Variants in SPP2 observed in about 807,000 individuals in gnomAD.
SPP2 encodes secreted phosphoprotein 2.
Under a neutral mutation model 28.8 loss-of-function variants are expected in SPP2, and 34 were observed. The observed-to-expected ratio is 1.18, with a 90% CI of 0.90 to 1.57. SPP2 has a LOEUF of 1.57. Ranked by LOEUF, SPP2 falls within the 40% of genes most tolerant of loss-of-function variation. SPP2 has a pLI of 0.00. For synonymous variants in SPP2, 96 were observed against 89.4 expected, an observed-to-expected ratio of 1.07 and a Z score of -0.42; for missense variants, 269 against 263.9, an observed-to-expected ratio of 1.02 and a Z score of -0.13.
intron 3 of SPP2, 112 bp from the exon 4 acceptor site, chr2:234,060,257 T>C (rs1051428200): frequency 2.4e-5 from 18 of 735,934 alleles, no homozygotes; most frequent in Non-Finnish European, 3.9e-5. Context: ...CTCTGTGAAG[T>C]TTTTCTTTGT....
At chr2:234,070,457 A>G (rs985232283) in intron 7 of SPP2, among the ~76,000 whole-genome samples, 2 of 151,916 alleles carry the variant, frequency 1.3e-5, no homozygotes, top group Non-Finnish European at 2.9e-5. Flanking sequence ...TACTTTATTT[A>G]TTATTTATTA....
chr2:234,068,747 G>GCC (rs1693876843), intron 6 of SPP2, among the ~76,000 whole-genome samples: 2 of 141,140 alleles, frequency 1.4e-5, no homozygotes, highest in African/African-American at 5.3e-5. Context: ...GCAAACATTT[G>GCC]CCCTTGGATT....
chr2:234,053,146 GA>G (rs1693533471), intron 2 of SPP2, among the ~76,000 whole-genome samples: 1 of 148,800 alleles, frequency 6.7e-6, no homozygotes, highest in African/African-American at 2.5e-5. Context: ...TGAAAAAGAA[GA>G]ATAACAAGGT....
In SPP2 at chr2:234,050,763, ACT is replaced by A; in HGVS notation, c.-19_-18del. 1 of 1,606,870 alleles carries A rather than the reference ACT, an allele frequency of 6.2e-7. No individual in the cohort carries two copies. On this transcript the variant is annotated 5_prime_UTR_variant, in exon 1 of 8. Coordinates refer to ENST00000168148, the MANE Select transcript of SPP2 (RefSeq NM_006944.3). ...GTCATCCCCAAACACATAGAGAGAC[ACT>A]CTCTGTCTCTCGATTACAATCATGA...
intron 4 of SPP2, among the ~76,000 whole-genome samples, 159 bp downstream of exon 4, chr2:234,060,638 C>T (rs1393938588): frequency 6.6e-6 from 1 of 152,038 alleles, no homozygotes; most frequent in Non-Finnish European, 1.5e-5. Flanking sequence ...CACCTACAGC[C>T]TCATTGTCCA....
intron 6 of SPP2, among the ~76,000 whole-genome samples, chr2:234,068,781 T>C (rs1273796235): frequency 6.6e-6 from 1 of 151,674 alleles, no homozygotes; most frequent in African/African-American, 2.4e-5. Flanking sequence ...ATTCAAAAGA[T>C]ATTTGGAGAC....
At chr2:234,052,860 T>C (rs188230310) in intron 2 of SPP2, among the ~76,000 whole-genome samples, 4 of 152,330 alleles carry the variant, frequency 2.6e-5, no homozygotes, top group Admixed American at 6.5e-5. Flanking sequence ...TTTTTTTCTA[T>C]TGGGAGTGTT....
intron 7 of SPP2, among the ~76,000 whole-genome samples, chr2:234,074,026 A>G (rs1019678320): frequency 1.3e-5 from 2 of 152,186 alleles, no homozygotes; most frequent in Admixed American, 6.5e-5. Context: ...CCTTGGAACA[A>G]TCAAATGAAG....
intron 3 of SPP2, among the ~76,000 whole-genome samples, chr2:234,059,401 T>C (rs545476331): frequency 1.3e-4 from 20 of 152,314 alleles, no homozygotes; most frequent in Admixed American, 3.9e-4. Flanking sequence ...GAACATGGCA[T>C]GTTCGCTTTC....
At chr2:234,069,906 T>A in intron 6 of SPP2, 22 bp from the exon 7 acceptor site, 1 of 1,584,354 alleles carries the variant, frequency 6.3e-7, no homozygotes, top group Non-Finnish European at 8.7e-7. Flanking sequence ...ACAGAGCCTA[T>A]GCTTCCCTTT....
intron 6 of SPP2, among the ~76,000 whole-genome samples, chr2:234,069,354 G>A (rs919567651): frequency 6.6e-6 from 1 of 152,200 alleles, no homozygotes; most frequent in Non-Finnish European, 1.5e-5. Context: ...GGACTGCCCA[G>A]GAGTGTGAAT....
chr2:234,053,719 T>C (rs964248274), intron 2 of SPP2, among the ~76,000 whole-genome samples: 2 of 152,080 alleles, frequency 1.3e-5, no homozygotes, highest in African/African-American at 4.8e-5. Flanking sequence ...TCCACACGAC[T>C]TTAGCACTGA....
intron 6 of SPP2, among the ~76,000 whole-genome samples, chr2:234,067,724 C>A (rs549630687): frequency 6.7e-5 from 9 of 133,392 alleles, no homozygotes. Flanking sequence ...TTGCAGTGAG[C>A]CGAGATTGCG....
chr2:234,068,848 A>G (rs1016127147), intron 6 of SPP2, among the ~76,000 whole-genome samples: 2 of 152,122 alleles, frequency 1.3e-5, no homozygotes, highest in African/African-American at 4.8e-5. Flanking sequence ...CTATTGCTAT[A>G]TATCAAATTA....
chr2:234,065,951 T>C (rs1401804649), intron 4 of SPP2, among the ~76,000 whole-genome samples: 1 of 152,246 alleles, frequency 6.6e-6, no homozygotes, highest in East Asian at 1.9e-4. Context: ...TTGAAAAGAA[T>C]GTTCTTTCTC....
chr2:234,076,511 A>C (rs1690899170), intron 7 of SPP2, among the ~76,000 whole-genome samples: 1 of 152,058 alleles, frequency 6.6e-6, no homozygotes, highest in African/African-American at 2.4e-5. Context: ...TGCCTCATTG[A>C]TCTTTGTAAC....
At chr2:234,069,068 C>T (rs899064208) in intron 6 of SPP2, among the ~76,000 whole-genome samples, 2 of 152,076 alleles carry the variant, frequency 1.3e-5, no homozygotes, top group African/African-American at 4.8e-5. Flanking sequence ...GTTGGGAAGC[C>T]TCAGTTCTTT....
intron 7 of SPP2, among the ~76,000 whole-genome samples, chr2:234,075,981 C>T (rs1319172130): frequency 2.0e-5 from 3 of 152,198 alleles, no homozygotes; most frequent in Non-Finnish European, 4.4e-5. Context: ...CAGCTCTGTC[C>T]TTTTCGAGCT....
At chr2:234,072,325 G>C (rs1472956521) in intron 7 of SPP2, among the ~76,000 whole-genome samples, 2 of 152,030 alleles carry the variant, frequency 1.3e-5, no homozygotes, top group African/African-American at 4.8e-5. Flanking sequence ...TCCATACTGA[G>C]ATCAAGAATC....
Sources: gnomAD v4.1 joint callset for allele counts (sites outside exome capture counted in the v4.1 genomes callset) on GRCh38, gnomAD v4.1.1 for gene constraint, MANE v1.5 for transcripts, NCBI Gene and HGNC (gene_info 2026-07-23, HGNC 2026-07-21) for gene names.